The following PTPN13 variants were observed in gnomAD, a reference collection of about 807,000 sequenced individuals.
The protein encoded by PTPN13 is protein tyrosine phosphatase non-receptor type 13, also known as tyrosine-protein phosphatase non-receptor type 13.
PTPN13 carries 191 observed loss-of-function variants against 284.0 expected under a neutral mutation model. That is an observed-to-expected ratio of 0.67 (90% CI 0.60 to 0.76). PTPN13 has a LOEUF of 0.76. Ranked by LOEUF, PTPN13 falls within the 30% of genes least tolerant of loss-of-function variation. The probability of loss-of-function intolerance (pLI) is 0.00; values close to 1 mark genes in which losing one functional copy is unlikely to be tolerated. For missense variants in PTPN13, 2,797 were observed against 2,939.9 expected (o/e 0.95, Z 1.12); for synonymous variants, 986 against 1,022.3 (o/e 0.96, Z 0.68).
intron 1 of PTPN13, among the ~76,000 whole-genome samples, chr4:86,603,859 G>A (rs1447519377): frequency 6.6e-6 from 1 of 151,836 alleles, no homozygotes; most frequent in Non-Finnish European, 1.5e-5. Context: ...TACTCTTCAG[G>A]GAGACTAGTT....
chr4:86,780,268 C>T (rs764407083), intron 35 of PTPN13, 134 bp from the exon 36 acceptor site: 4 of 692,844 alleles, frequency 5.8e-6, no homozygotes, highest in Non-Finnish European at 1.0e-5. Context: ...GGCATGGTGG[C>T]ACATGCCTGT....
At position 86,720,081 on chromosome 4, in the gene PTPN13, A is replaced by G. The variant is rs537781187; in HGVS notation, c.1386-2131A>G. On this transcript the variant is annotated intron_variant, in intron 9 of 47. Coordinates refer to ENST00000411767, the MANE Select transcript of PTPN13 (RefSeq NM_080683.3). ...AATTTGGAACCTATGAGTAGTTACT[A>G]TTATGCCCACTTTAGCCAATTGAAA... Among the ~76,000 whole-genome samples, 8 of 152,288 alleles carry G rather than the reference A, an allele frequency of 5.3e-5. No homozygotes were observed. The South Asian group carries it at 1.0e-3, about 20-fold the overall frequency.
chr4:86,658,893 G>T (rs1197585414), intron 2 of PTPN13, among the ~76,000 whole-genome samples: 2 of 152,122 alleles, frequency 1.3e-5, no homozygotes, highest in Admixed American at 1.3e-4. Context: ...AAAGCAGTCA[G>T]AGAGAAAAAG....
intron 35 of PTPN13, among the ~76,000 whole-genome samples, chr4:86,778,301 G>A (rs1221154172): frequency 1.3e-5 from 2 of 152,206 alleles, no homozygotes; most frequent in East Asian, 3.8e-4. Flanking sequence ...AAGCTAGCCT[G>A]TCTTTGTTAC....
intron 40 of PTPN13, among the ~76,000 whole-genome samples, chr4:86,789,744 A>G (rs1215636155): frequency 6.6e-6 from 1 of 152,176 alleles, no homozygotes; most frequent in Non-Finnish European, 1.5e-5. Flanking sequence ...CCATAGTGAC[A>G]AGAAACTGAA....
Position 86,814,517 on chromosome 4 carries a change from A to G in PTPN13, c.7424A>G (p.Glu2475Gly). 6.2e-7 allele frequency: 1 copy of G among 1,612,898 alleles called. No individual in the cohort carries two copies. The part of the protein sequence containing the change: ...LYVLTRLQAE[E>G]EQKQQPQLLK Reference sequence around the variant, plus strand: ...GTCCTGACACGTCTTCAAGCAGAAGAAGAGCAAAAACAGCAGCCTCAGCTT... The same window carrying G: ...GTCCTGACACGTCTTCAAGCAGAAGGAGAGCAAAAACAGCAGCCTCAGCTT... Residue 2475 changes from glutamate to glycine, a missense_variant, in exon 48 of 48, where the codon GAA (glutamate) becomes GGA (glycine). Physicochemically the swap from Glu to Gly is moderately conservative, Grantham distance 98. Transcript: ENST00000411767.
chr4:86,737,393 TTGGA>T lies in PTPN13; in HGVS notation c.2304+1648_2304+1651del, dbSNP rs1462361596. Reference sequence around the variant, plus strand: ...CCTGCCTGTTTTGTAAATAGTTTTATTGGAACTAGTCCATACTCATTTCTTTATA... The same window carrying T: ...CCTGCCTGTTTTGTAAATAGTTTTATACTAGTCCATACTCATTTCTTTATA... On this transcript the variant is annotated intron_variant, in intron 15 of 47. Coordinates refer to ENST00000411767, the MANE Select transcript of PTPN13 (RefSeq NM_080683.3). Among the ~76,000 whole-genome samples, 3 of 152,172 alleles carry T rather than the reference TTGGA, an allele frequency of 2.0e-5. No individual in the cohort carries two copies. The South Asian group carries it at 6.2e-4, about 31-fold the overall frequency.
At chr4:86,765,372 T>C (rs1415948147) in intron 25 of PTPN13, 23 bp from the exon 26 acceptor site, 3 of 1,550,128 alleles carry the variant, frequency 1.9e-6, no homozygotes, top group African/African-American at 1.4e-5. Context: ...TTATAAAATA[T>C]TATTTTGTCT....
Position 86,722,400 on chromosome 4 carries a change from C to A in PTPN13, c.1574C>A (p.Ala525Asp), listed in dbSNP as rs1733774166. 6.2e-7 allele frequency: 1 copy of A among 1,613,596 alleles called. No homozygotes were observed. Among genetic ancestry groups the A allele is most frequent in the South Asian group, 1.1e-5 (1 of 91,066 alleles). Residue 525 changes from alanine (A) to aspartate (D), a missense_variant, in exon 10 of 48, where the codon GCC (alanine) becomes GAC (aspartate). Coordinates refer to ENST00000411767, the MANE Select transcript of PTPN13 (RefSeq NM_080683.3). ...ACCAGGGATCCGTTAAGAGAAATTGCCCTAGAAACAGCCATGACTCAAAGA... is the reference window on the plus strand; with the variant it reads ...ACCAGGGATCCGTTAAGAGAAATTGACCTAGAAACAGCCATGACTCAAAGA... ...DITRDPLREIALETAMTQRKL... is the reference protein window; with the variant it reads ...DITRDPLREIDLETAMTQRKL...
At chr4:86,804,560 A>C (rs767695143) in intron 43 of PTPN13, among the ~76,000 whole-genome samples, 1 of 152,198 alleles carries the variant, frequency 6.6e-6, no homozygotes, top group Non-Finnish European at 1.5e-5. Context: ...TTGTTCTTCA[A>C]GTTCTTAGAT....
At position 86,716,542 on chromosome 4, in the gene PTPN13, G is replaced by A; in HGVS notation, c.1208G>A (p.Arg403Lys). 6.3e-7 allele frequency: 1 copy of A among 1,583,624 alleles called. No homozygotes were observed. Among genetic ancestry groups the A allele is most frequent in the Non-Finnish European group, 8.6e-7 (1 of 1,164,600 alleles). The change falls in exon 8 of 48, where the codon AGA becomes AAA. Residue 403 changes from arginine to lysine, a missense_variant. Arg to Lys is a conservative substitution (Grantham distance 26). Coordinates refer to ENST00000411767, the MANE Select transcript of PTPN13 (RefSeq NM_080683.3). The part of the protein sequence containing the change: ...EAMNVEEPVR[R>K]YKTYHGDVFS... ...TTAATCCTTTTAGAACCAGTTCGAA[G>A]ATACAAAACTTATCATGGTGATGTC...
At chr4:86,624,465 A>G in intron 1 of PTPN13, among the ~76,000 whole-genome samples, 1 of 152,152 alleles carries the variant, frequency 6.6e-6, no homozygotes, top group Non-Finnish European at 1.5e-5. Flanking sequence ...TTAGTTTTCT[A>G]GTTTTGTAGA....
At chr4:86,596,553 AATC>A (rs1157519590) in intron 1 of PTPN13, among the ~76,000 whole-genome samples, 2 of 152,240 alleles carry the variant, frequency 1.3e-5, no homozygotes, top group East Asian at 1.9e-4. Flanking sequence ...AGAATTAGCT[AATC>A]ATTTGTTTTG....
intron 1 of PTPN13, among the ~76,000 whole-genome samples, chr4:86,612,219 T>G (rs761715439): frequency 6.6e-6 from 1 of 152,154 alleles, no homozygotes; most frequent in Non-Finnish European, 1.5e-5. Context: ...TTATGATATA[T>G]AGCATCCGGT....
rs190987214 is a variant in PTPN13, at chr4:86,780,507, G to A, written c.5962+35G>A. 2.6e-4 allele frequency: 362 copies of A among 1,378,518 alleles called. No homozygotes were observed. The African/African-American group carries it at 3.9e-3, about 15-fold the overall frequency. The allele number at this position is 1,378,518 out of a possible 1,614,324, so 85.4% of individuals were successfully genotyped here. A position where few individuals can be genotyped will look rare whatever the true frequency, so the allele number is the denominator to read the frequency against. On this transcript the variant is annotated intron_variant, in intron 36 of 47. Coordinates refer to ENST00000411767, the MANE Select transcript of PTPN13 (RefSeq NM_080683.3). ...TATTCATTTTACTGTACTCTCCTACGGTAATGGGAATGTAAAATGGCACAT... is the reference window on the plus strand; with the variant it reads ...TATTCATTTTACTGTACTCTCCTACAGTAATGGGAATGTAAAATGGCACAT...
chr4:86,774,581 C>T lies in PTPN13; in HGVS notation c.5508+50C>T, dbSNP rs376713744. On this transcript the variant is annotated intron_variant, in intron 33 of 47. Coordinates refer to ENST00000411767, the MANE Select transcript of PTPN13 (RefSeq NM_080683.3). ...TATTTGTGTAAATGTAGACAAAGAG[C>T]AAGCCAGAAAAAGAAGATTGAATTA... The T allele has an allele frequency of 4.8e-5, 71 of 1,478,642 alleles. No individual in the cohort carries two copies. In the Middle Eastern group the frequency reaches 7.0e-4, roughly 15 times the overall value. The allele number at this position is 1,478,642 out of a possible 1,614,324, so 91.6% of individuals were successfully genotyped here. A position where few individuals can be genotyped will look rare whatever the true frequency, so the allele number is the denominator to read the frequency against.
intron 1 of PTPN13, among the ~76,000 whole-genome samples, chr4:86,607,197 A>T (rs531085423): frequency 6.6e-6 from 1 of 152,012 alleles, no homozygotes; most frequent in African/African-American, 2.4e-5. Flanking sequence ...CTAATGAGGG[A>T]TATCATAAAG....
chr4:86,705,425 A>T (rs1488034530), intron 7 of PTPN13, among the ~76,000 whole-genome samples: 5 of 152,262 alleles, frequency 3.3e-5, no homozygotes, highest in African/African-American at 9.6e-5. Flanking sequence ...ATAGAAAATC[A>T]TGTAAATCCC....
intron 2 of PTPN13, among the ~76,000 whole-genome samples, chr4:86,670,657 G>C (rs1727629088): frequency 6.6e-6 from 1 of 152,122 alleles, no homozygotes; most frequent in Non-Finnish European, 1.5e-5. Flanking sequence ...CCTAGTGTTT[G>C]TTCCCCTTAG....
Sources: gnomAD v4.1 joint callset for allele counts (sites outside exome capture counted in the v4.1 genomes callset) on GRCh38, gnomAD v4.1.1 for gene constraint, MANE v1.5 for transcripts, NCBI Gene and HGNC (gene_info 2026-07-23, HGNC 2026-07-21) for gene names.